Variants in MEGF6 observed in about 807,000 individuals in gnomAD.
MEGF6 encodes multiple EGF like domains 6.
In MEGF6, 184 loss-of-function variants were observed where a neutral mutation model predicts 207.1. That is an observed-to-expected ratio of 0.89 (90% confidence interval 0.79 to 1.00). The LOEUF is 1.00. Among genes scored for constraint, MEGF6 ranks in the 50% least tolerant of loss-of-function variants. MEGF6 has a pLI of 0.00. For missense variants in MEGF6, 2,282 were observed against 2,202.9 expected, an observed-to-expected ratio of 1.04 and a Z score of -0.72; for synonymous variants, 1,038 against 910.0, an observed-to-expected ratio of 1.14 and a Z score of -2.53.
chr1:3,602,814 C>T (rs1246296912), intron 1 of MEGF6, among the ~76,000 whole-genome samples: 1 of 152,160 alleles, frequency 6.6e-6, no homozygotes. Flanking sequence ...GCAAGATGAC[C>T]GCAACATCCC....
chr1:3,519,519 A>T (rs1366509580), intron 5 of MEGF6, among the ~76,000 whole-genome samples: 1 of 152,206 alleles, frequency 6.6e-6, no homozygotes, highest in African/African-American at 2.4e-5. Context: ...CTCCTGGGGG[A>T]GGCCCCGACC....
intron 5 of MEGF6, among the ~76,000 whole-genome samples, chr1:3,518,224 T>A (rs890282770): frequency 6.6e-6 from 1 of 151,874 alleles, no homozygotes; most frequent in Non-Finnish European, 1.5e-5. Flanking sequence ...AGGATTCATG[T>A]CCTTGTAGGA....
At chr1:3,548,652 G>A (rs545472631) in intron 4 of MEGF6, among the ~76,000 whole-genome samples, 1 of 152,346 alleles carries the variant, frequency 6.6e-6, no homozygotes, top group South Asian at 2.1e-4. Flanking sequence ...GGGCCTTGAG[G>A]CCAGGTGGCT....
intron 1 of MEGF6, 59 bp from the exon 2 acceptor site, chr1:3,602,659 C>T: frequency 6.4e-7 from 1 of 1,550,668 alleles, no homozygotes; most frequent in South Asian, 1.2e-5. Context: ...AACACCCACC[C>T]CTCCTGCACC....
At chr1:3,522,454 G>A (rs534530216) in intron 5 of MEGF6, among the ~76,000 whole-genome samples, 8 of 152,302 alleles carry the variant, frequency 5.3e-5, no homozygotes, top group Admixed American at 1.3e-4. Context: ...CATCTGGCCC[G>A]GAGAAGACCT....
chr1:3,550,507 A>AG (rs35289361), intron 4 of MEGF6, among the ~76,000 whole-genome samples: 40,710 of 152,240 alleles, frequency 0.27, 8,787 homozygotes, highest in African/African-American at 0.6. Context: ...TATGTTTCAA[A>AG]GGGGTTATTT....
chr1:3,596,236 T>G (rs2821023), intron 2 of MEGF6, among the ~76,000 whole-genome samples: 1 of 151,858 alleles, frequency 6.6e-6, no homozygotes, highest in Non-Finnish European at 1.5e-5. Flanking sequence ...TCACTAAGGC[T>G]GAGCAGAAAA....
chr1:3,536,653 C>G (rs1642338824), intron 4 of MEGF6, among the ~76,000 whole-genome samples: 1 of 152,188 alleles, frequency 6.6e-6, no homozygotes, highest in Admixed American at 6.5e-5. Context: ...GGAAACGCAG[C>G]CGGCGTCTGT....
At chr1:3,589,762 T>A (rs57453372) in intron 3 of MEGF6, among the ~76,000 whole-genome samples, 3,888 of 152,342 alleles carry the variant, frequency 0.026, 175 homozygotes, top group East Asian at 0.2. Flanking sequence ...TCGGCCCCGT[T>A]CAACACATTT....
intron 3 of MEGF6, 51 bp downstream of exon 3, chr1:3,595,287 T>C (rs560787605): frequency 4.6e-6 from 6 of 1,307,872 alleles, no homozygotes; most frequent in African/African-American, 1.5e-5. Context: ...CTCTGCTGAG[T>C]CCTCTGGGGT....
intron 5 of MEGF6, among the ~76,000 whole-genome samples, chr1:3,523,369 C>G (rs1641836306): frequency 6.6e-6 from 1 of 152,166 alleles, no homozygotes; most frequent in Non-Finnish European, 1.5e-5. Flanking sequence ...TTCCTGGGCT[C>G]CAGCCCCCTG....
intron 4 of MEGF6, among the ~76,000 whole-genome samples, chr1:3,541,388 G>A (rs1189619430): frequency 5.9e-5 from 9 of 152,266 alleles, no homozygotes; most frequent in South Asian, 2.1e-4. Flanking sequence ...GGAGACTCCC[G>A]TGGAAATGCC....
intron 26 of MEGF6, 94 bp from the exon 27 acceptor site, chr1:3,497,455 C>A: frequency 7.3e-7 from 1 of 1,373,748 alleles, no homozygotes. Context: ...TGGGTACGAC[C>A]CACCCAATGC....
At chr1:3,585,719 GGACGCATGTCCTGTGTGTGGGTGTGAGT>G (rs1643884175) in intron 3 of MEGF6, among the ~76,000 whole-genome samples, 1 of 139,694 alleles carries the variant, frequency 7.2e-6, no homozygotes, top group Non-Finnish European at 1.5e-5. Flanking sequence ...GTGGGTGTGA[GGACGCATGTCCTGTGTGTGGGTGTGAGT>G]GACACATGTC....
chr1:3,489,799 C>T lies in MEGF6; in HGVS notation c.*729G>A, dbSNP rs1368093966. On this transcript the variant is annotated 3_prime_UTR_variant, in exon 37 of 37. Coordinates refer to ENST00000356575, the MANE Select transcript of MEGF6 (RefSeq NM_001409.4). ...CAACTTCTTCACTTGTGTGGCACCC[C>T]CACCCCTGCAAAGGGCCCCGGGTGC... 1 of 152,394 alleles carries T rather than the reference C, an allele frequency of 6.6e-6. No individual in the cohort carries two copies. The highest frequency in any genetic ancestry group is 1.5e-5 in the Non-Finnish European group (1 of 68,160). 9.4% of individuals were successfully genotyped at this position (152,394 alleles called of 1,614,324 possible).
chr1:3,497,513 C>G (rs1466793041), intron 26 of MEGF6, 152 bp from the exon 27 acceptor site: 1 of 1,072,714 alleles, frequency 9.3e-7, no homozygotes, highest in Non-Finnish European at 1.3e-6. Context: ...TGGAGCCCCC[C>G]GCCACCCCGG....
chr1:3,618,458 G>A, the MEGF6 span, among the ~76,000 whole-genome samples: 1 of 152,146 alleles, frequency 6.6e-6, no homozygotes, highest in Non-Finnish European at 1.5e-5. The surrounding 1 kb of genome is among the most constrained non-coding windows in gnomAD (Gnocchi z 4.7). Context: ...GTGGGAAGCA[G>A]CGCAAAACCA....
chr1:3,543,800 G>A (rs1308668357), intron 4 of MEGF6, among the ~76,000 whole-genome samples: 1 of 152,218 alleles, frequency 6.6e-6, no homozygotes, highest in African/African-American at 2.4e-5. Context: ...GAAGGGATAC[G>A]GGTCGAGGCC....
In MEGF6 at chr1:3,551,551, G is replaced by T. The variant is rs995041129; in HGVS notation, c.482-27305C>A. 3.9e-5 allele frequency among the ~76,000 whole-genome samples: 6 copies of T among 152,266 alleles called. No homozygotes were observed. The South Asian group carries it at 1.2e-3, about 32-fold the overall frequency. On this transcript the variant is annotated intron_variant, in intron 4 of 36. Coordinates refer to ENST00000356575, the MANE Select transcript of MEGF6 (RefSeq NM_001409.4). ...GGAAACCCTCCCTGGCCAGACACAA[G>T]GTCAACACAGACCCAACACATGCTC...
Sources: allele counts gnomAD v4.1 joint callset (sites outside exome capture counted in the v4.1 genomes callset), GRCh38; gene constraint gnomAD v4.1.1; non-coding constraint Gnocchi (gnomAD v3.1); transcripts MANE v1.5; gene names NCBI Gene and HGNC (gene_info 2026-07-23, HGNC 2026-07-21).